PPM1L: variants seen among roughly 807,000 people sequenced by gnomAD.
PPM1L encodes the protein protein phosphatase 1L.
PPM1L carries 13 observed loss-of-function variants against 31.4 expected under a neutral mutation model. That is an observed-to-expected ratio of 0.41 (90% CI 0.27 to 0.66). The LOEUF (loss-of-function observed/expected upper bound fraction) is 0.66. Ranked by LOEUF, PPM1L falls within the 30% of genes least tolerant of loss-of-function variation. PPM1L has a pLI of 0.29. For synonymous variants in PPM1L, 184 were observed against 175.4 expected (o/e 1.05, Z -0.39); for missense variants, 326 against 453.7 (o/e 0.72, Z 2.56).
chr3:161,009,128 GA>G (rs1341420630), intron 2 of PPM1L, among the ~76,000 whole-genome samples: 1 of 152,142 alleles, frequency 6.6e-6, no homozygotes, highest in African/African-American at 2.4e-5. Flanking sequence ...GAATGACTCT[GA>G]TTATCAAATA....
intron 2 of PPM1L, among the ~76,000 whole-genome samples, chr3:160,993,359 A>G (rs796610): frequency 0.13 from 19,479 of 152,156 alleles, 1,414 homozygotes; most frequent in East Asian, 0.28. Flanking sequence ...TTGATAAATT[A>G]TCCTGATTCT....
intron 1 of PPM1L, among the ~76,000 whole-genome samples, chr3:160,927,769 A>G (rs1025533867): frequency 2.0e-5 from 3 of 152,186 alleles, no homozygotes; most frequent in Non-Finnish European, 4.4e-5. Context: ...CAGTGACTAT[A>G]TGAATTTATT....
intron 2 of PPM1L, among the ~76,000 whole-genome samples, chr3:160,966,315 A>T (rs956006774): frequency 2.6e-5 from 4 of 152,170 alleles, no homozygotes; most frequent in Non-Finnish European, 5.9e-5. Flanking sequence ...TATGTAGAAC[A>T]GTATAATATG....
chr3:160,947,879 T>TA (rs1715458735), intron 1 of PPM1L, among the ~76,000 whole-genome samples: 1 of 151,900 alleles, frequency 6.6e-6, no homozygotes, highest in Non-Finnish European at 1.5e-5. Flanking sequence ...ATGTAGAGAG[T>TA]AAAAAATATT....
chr3:160,899,234 C>G (rs1016799644), intron 1 of PPM1L, among the ~76,000 whole-genome samples: 2 of 152,060 alleles, frequency 1.3e-5, no homozygotes, highest in African/African-American at 4.8e-5. Context: ...TATGCTCTTA[C>G]GATTAGAGAA....
chr3:160,957,225 G>A (rs1191922199), intron 1 of PPM1L, among the ~76,000 whole-genome samples: 2 of 152,138 alleles, frequency 1.3e-5, no homozygotes, highest in Non-Finnish European at 1.5e-5. Flanking sequence ...AGCCTGCAAG[G>A]GACATGATCT....
intron 2 of PPM1L, among the ~76,000 whole-genome samples, chr3:160,978,555 C>G (rs1373970797): frequency 1.3e-5 from 2 of 152,176 alleles, no homozygotes; most frequent in African/African-American, 2.4e-5. Flanking sequence ...GAGGGCCAGG[C>G]ACAGTGGCTC....
chr3:160,820,740 C>T (rs1404653991), intron 1 of PPM1L, among the ~76,000 whole-genome samples: 1 of 151,970 alleles, frequency 6.6e-6, no homozygotes, highest in Non-Finnish European at 1.5e-5. Flanking sequence ...CACTGCTGTC[C>T]ATTATGTGAA....
At chr3:160,844,754 T>G (rs1714021352) in intron 1 of PPM1L, among the ~76,000 whole-genome samples, 3 of 152,154 alleles carry the variant, frequency 2.0e-5, no homozygotes, top group Admixed American at 6.6e-5. Context: ...ATAATTAACA[T>G]ACTGTACAAT....
At chr3:160,925,813 G>C (rs971797946) in intron 1 of PPM1L, among the ~76,000 whole-genome samples, 1 of 152,120 alleles carries the variant, frequency 6.6e-6, no homozygotes, top group African/African-American at 2.4e-5. Context: ...AACTAATTAG[G>C]GGTAGGGCCA....
intron 1 of PPM1L, among the ~76,000 whole-genome samples, chr3:160,904,472 G>A (rs1713674019): frequency 6.6e-6 from 1 of 152,110 alleles, no homozygotes; most frequent in East Asian, 1.9e-4. Context: ...ATTGATTGCT[G>A]TATATGTTTC....
intron 1 of PPM1L, among the ~76,000 whole-genome samples, chr3:160,786,971 A>G (rs566925474): frequency 1.8e-4 from 28 of 152,292 alleles, no homozygotes; most frequent in African/African-American, 6.5e-4. Flanking sequence ...TCCATGTTAT[A>G]TAGGTACCAC....
chr3:160,852,802 C>T (rs1711565890), intron 1 of PPM1L, among the ~76,000 whole-genome samples: 1 of 152,196 alleles, frequency 6.6e-6, no homozygotes, highest in Non-Finnish European at 1.5e-5. Context: ...ATGTTTATAA[C>T]ACTGTATTTT....
At chr3:160,814,592 T>C (rs1050168971) in intron 1 of PPM1L, among the ~76,000 whole-genome samples, 6 of 121,780 alleles carry the variant, frequency 4.9e-5, no homozygotes, top group East Asian at 2.0e-4. Context: ...TACACACACA[T>C]ATGTATGTAT....
At chr3:160,765,682 T>C (rs185255527) in intron 1 of PPM1L, among the ~76,000 whole-genome samples, 14 of 152,322 alleles carry the variant, frequency 9.2e-5, no homozygotes, top group Non-Finnish European at 1.5e-4. Context: ...ATTATAGTGG[T>C]ATTAGCATAA....
At chr3:160,803,969 G>A (rs920195574) in intron 1 of PPM1L, among the ~76,000 whole-genome samples, 1 of 152,174 alleles carries the variant, frequency 6.6e-6, no homozygotes, top group Non-Finnish European at 1.5e-5. Flanking sequence ...CCAGGATGGA[G>A]TACAGTGGCG....
At chr3:160,980,584 C>G (rs1716759493) in intron 2 of PPM1L, among the ~76,000 whole-genome samples, 1 of 151,886 alleles carries the variant, frequency 6.6e-6, no homozygotes, top group Non-Finnish European at 1.5e-5. Flanking sequence ...GAGAGGATCG[C>G]TTGAGCCCTG....
intron 1 of PPM1L, among the ~76,000 whole-genome samples, chr3:160,866,181 AT>A (rs1330004743): frequency 6.6e-6 from 1 of 152,166 alleles, no homozygotes; most frequent in Non-Finnish European, 1.5e-5. Flanking sequence ...GCTCTTCTGA[AT>A]TTCAGGAGAG....
At chr3:160,996,169 G>A (rs1717315999) in intron 2 of PPM1L, among the ~76,000 whole-genome samples, 1 of 152,126 alleles carries the variant, frequency 6.6e-6, no homozygotes, top group African/African-American at 2.4e-5. Flanking sequence ...GGTGAAAAGG[G>A]AACACTTCTA....
Sources: allele counts gnomAD v4.1 joint callset (sites outside exome capture counted in the v4.1 genomes callset), GRCh38; gene constraint gnomAD v4.1.1; transcripts MANE v1.5; gene names NCBI Gene and HGNC (gene_info 2026-07-23, HGNC 2026-07-21).